The following TMC2 variants were observed in gnomAD, a reference collection of about 807,000 sequenced individuals.
TMC2 encodes transmembrane channel like 2.
TMC2 carries 102 observed loss-of-function variants against 105.9 expected under a neutral mutation model. The observed-to-expected ratio is 0.96, with a 90% CI of 0.82 to 1.14. TMC2 has a LOEUF of 1.14. Among genes scored for constraint, TMC2 ranks in the 50% most tolerant of loss-of-function variants. The pLI, the probability that TMC2 is intolerant of heterozygous loss-of-function variation, is 0.00. For missense variants in TMC2, 1,093 were observed against 1,134.3 expected (o/e 0.96, Z 0.52); for synonymous variants, 402 against 422.8 (o/e 0.95, Z 0.60).
intron 4 of TMC2, among the ~76,000 whole-genome samples, chr20:2,567,524 A>G (rs911574718): frequency 2.6e-5 from 4 of 152,218 alleles, no homozygotes; most frequent in Admixed American, 6.5e-5. Flanking sequence ...GATGACAGAG[A>G]TGTTAGAATT....
At position 2,558,360 on chromosome 20, in the gene TMC2, G is replaced by A. The variant is rs1364998405; in HGVS notation, c.83-96G>A. On this transcript the variant is annotated intron_variant, in intron 2 of 19. Coordinates refer to ENST00000358864, the MANE Select transcript of TMC2 (RefSeq NM_080751.3). This position sits in a 1 kb window ranked among gnomAD's most constrained non-coding sequence, Gnocchi z 4.6. ...AGCCCCGCAGAGCTCACAAGCTCTC[G>A]GAATCATCTTGGACGTCTGATTTCT... The A allele has an allele frequency of 5.9e-6, 9 of 1,518,052 alleles. No individual in the cohort carries two copies. Among genetic ancestry groups the A allele is most frequent in the African/African-American group, 1.4e-5 (1 of 72,086 alleles). 94.0% of individuals were successfully genotyped at this position (1,518,052 alleles called of 1,614,324 possible). A position where few individuals can be genotyped will look rare whatever the true frequency, so the allele number is the denominator to read the frequency against.
At position 2,558,871 on chromosome 20, in the gene TMC2, C is replaced by A; in HGVS notation, c.401+97C>A. The A allele has an allele frequency of 7.8e-7, 1 of 1,276,032 alleles. No homozygotes were observed. Among genetic ancestry groups the A allele is most frequent in the East Asian group, 2.5e-5 (1 of 39,458 alleles). The allele number at this position is 1,276,032 out of a possible 1,614,324, so 79.0% of individuals were successfully genotyped here. A position where few individuals can be genotyped will look rare whatever the true frequency, so the allele number is the denominator to read the frequency against. On this transcript the variant is annotated intron_variant, in intron 3 of 19. Transcript: ENST00000358864. The surrounding 1 kb of genome is among the most constrained non-coding windows in gnomAD (Gnocchi z 4.6). Reference sequence around the variant, plus strand: ...CGTGAGGGACTGATGCCCCCCTCCCCGGGGAGAGGCAGCCCGTGCCCTCGC... The same window carrying A: ...CGTGAGGGACTGATGCCCCCCTCCCAGGGGAGAGGCAGCCCGTGCCCTCGC...
chr20:2,548,075 T>G (rs2085935164), intron 2 of TMC2, among the ~76,000 whole-genome samples: 1 of 152,258 alleles, frequency 6.6e-6, no homozygotes, highest in South Asian at 2.1e-4. Context: ...AACCAAAGGA[T>G]CTTCTGTTTC....
In TMC2 at chr20:2,558,873, G is replaced by C; in HGVS notation, c.401+99G>C. The C allele has an allele frequency of 3.2e-6, 4 of 1,267,132 alleles. No individual in the cohort carries two copies. 78.5% of individuals were successfully genotyped at this position (1,267,132 alleles called of 1,614,324 possible). ...TGAGGGACTGATGCCCCCCTCCCCG[G>C]GGAGAGGCAGCCCGTGCCCTCGCTC... On this transcript the variant is annotated intron_variant, in intron 3 of 19. Transcript: ENST00000358864. This position sits in a 1 kb window ranked among gnomAD's most constrained non-coding sequence, Gnocchi z 4.6.
At chr20:2,583,268 G>A (rs1044407986) in intron 7 of TMC2, among the ~76,000 whole-genome samples, 2 of 152,146 alleles carry the variant, frequency 1.3e-5, no homozygotes, top group African/African-American at 4.8e-5. Flanking sequence ...AGAATGGTTA[G>A]GTTATGAAAG....
intron 17 of TMC2, 144 bp downstream of exon 17, chr20:2,624,540 T>A: frequency 9.8e-7 from 1 of 1,018,736 alleles, no homozygotes; most frequent in African/African-American, 1.6e-5. Context: ...GTGTAAGTAT[T>A]TTATTAGGGA....
At chr20:2,611,725 C>T (rs2086439634) in intron 12 of TMC2, among the ~76,000 whole-genome samples, 2 of 152,212 alleles carry the variant, frequency 1.3e-5, no homozygotes, top group South Asian at 4.2e-4. Flanking sequence ...CTTGTATCAC[C>T]ACTACTTTAT....
At chr20:2,586,364 A>G (rs1242456866) in intron 7 of TMC2, among the ~76,000 whole-genome samples, 1 of 152,218 alleles carries the variant, frequency 6.6e-6, no homozygotes, top group Non-Finnish European at 1.5e-5. Flanking sequence ...CAAAGGAGTT[A>G]TTGGCCCATA....
intron 19 of TMC2, among the ~76,000 whole-genome samples, chr20:2,638,369 T>A (rs943120310): frequency 8.2e-6 from 1 of 121,672 alleles, no homozygotes; most frequent in Non-Finnish European, 1.8e-5. Flanking sequence ...AAAAAAAAAA[T>A]CTCTAGCACA....
chr20:2,621,370 CAA>C (rs779568447), intron 16 of TMC2, among the ~76,000 whole-genome samples: 11 of 95,132 alleles, frequency 1.2e-4, no homozygotes, highest in Admixed American at 1.0e-4. Context: ...TCAACAACAA[CAA>C]AAAAAAAAAA....
chr20:2,556,071 G>A, intron 2 of TMC2, among the ~76,000 whole-genome samples: 1 of 150,348 alleles, frequency 6.7e-6, no homozygotes, highest in East Asian at 2.0e-4. Flanking sequence ...TTAAAAAGAA[G>A]GATTTTATTT....
intron 2 of TMC2, among the ~76,000 whole-genome samples, chr20:2,552,056 T>C (rs1335222882): frequency 6.6e-6 from 1 of 151,814 alleles, no homozygotes; most frequent in Non-Finnish European, 1.5e-5. Flanking sequence ...CCCAGGGCTT[T>C]GAGAACAACT....
chr20:2,541,841 G>A (rs1436916788), intron 2 of TMC2, among the ~76,000 whole-genome samples: 1 of 151,800 alleles, frequency 6.6e-6, no homozygotes, highest in Non-Finnish European at 1.5e-5. Context: ...AACAAGACAG[G>A]AAATCCCATT....
chr20:2,546,014 C>T (rs548564767), intron 2 of TMC2, among the ~76,000 whole-genome samples: 12 of 152,162 alleles, frequency 7.9e-5, no homozygotes, highest in Non-Finnish European at 1.6e-4. Context: ...CAAAAATATA[C>T]CACTTGTTCC....
chr20:2,639,921 C>T (rs1316609388), intron 19 of TMC2, among the ~76,000 whole-genome samples: 2 of 152,184 alleles, frequency 1.3e-5, no homozygotes, highest in Non-Finnish European at 2.9e-5. Flanking sequence ...TGCACGCAGA[C>T]ACTTTAGCCT....
Position 2,536,635 on chromosome 20 carries a change from TA to T in TMC2, c.17del (p.Lys6ArgfsTer3). ...GTGCTGCTGACCATGAGCCACCAGG[TA>T]AAGGGCCTGAAAGAGGAAGGTGAGT... MSHQ[V>X]KGLKEEARGG... On this transcript the variant is annotated frameshift_variant, in exon 1 of 20. Coordinates refer to ENST00000358864, the MANE Select transcript of TMC2 (RefSeq NM_080751.3). LOFTEE classifies it high-confidence loss of function. The T allele has an allele frequency of 6.3e-7, 1 of 1,575,064 alleles. No individual in the cohort carries two copies. The highest frequency in any genetic ancestry group is 8.6e-7 in the Non-Finnish European group (1 of 1,160,376).
intron 11 of TMC2, among the ~76,000 whole-genome samples, chr20:2,606,123 C>A (rs2086389635): frequency 6.6e-6 from 1 of 152,162 alleles, no homozygotes; most frequent in African/African-American, 2.4e-5. Flanking sequence ...GAAAACAAGG[C>A]AAAATGATAG....
At chr20:2,567,250 G>T (rs372218184) in intron 4 of TMC2, among the ~76,000 whole-genome samples, 1 of 152,214 alleles carries the variant, frequency 6.6e-6, no homozygotes, top group Admixed American at 6.5e-5. Context: ...GCGGTAACAA[G>T]GAGCTTCTCC....
intron 7 of TMC2, among the ~76,000 whole-genome samples, chr20:2,589,270 CTGTGTGTGTGTGTGTGTG>C (rs750496572): frequency 1.3e-4 from 15 of 116,292 alleles, no homozygotes; most frequent in East Asian, 3.0e-4. Flanking sequence ...CCTATTTGCC[CTGTGTGTGTGTGTGTGTG>C]TGTGTGTGTG....
Sources: allele counts gnomAD v4.1 joint callset (sites outside exome capture counted in the v4.1 genomes callset), GRCh38; gene constraint gnomAD v4.1.1; non-coding constraint Gnocchi (gnomAD v3.1); transcripts MANE v1.5; gene names NCBI Gene and HGNC (gene_info 2026-07-23, HGNC 2026-07-21).